The following VDAC3 variants were observed in gnomAD, a reference collection of about 807,000 sequenced individuals.
The protein encoded by VDAC3 is voltage dependent anion channel 3.
VDAC3 carries 7 observed loss-of-function variants against 33.9 expected under a neutral mutation model. The observed-to-expected ratio is 0.21, with a 90% CI of 0.12 to 0.39. The LOEUF (loss-of-function observed/expected upper bound fraction) is 0.39. VDAC3 is among the 10% of genes least tolerant of loss of function. The probability of loss-of-function intolerance (pLI) is 1.00; values close to 1 mark genes in which losing one functional copy is unlikely to be tolerated. For missense variants in VDAC3, 261 were observed against 334.5 expected, an observed-to-expected ratio of 0.78 and a Z score of 1.71; for synonymous variants, 100 against 122.4, an observed-to-expected ratio of 0.82 and a Z score of 1.21.
At chr8:42,400,226 T>C (rs1204258942) in intron 6 of VDAC3, among the ~76,000 whole-genome samples, 1 of 151,136 alleles carries the variant, frequency 6.6e-6, no homozygotes. Flanking sequence ...TAGTCCCAGC[T>C]ACTCAGGAGG....
chr8:42,396,759 A>G (rs377645412), intron 4 of VDAC3: 1 of 656,624 alleles, frequency 1.5e-6, no homozygotes, highest in Non-Finnish European at 2.7e-6. Flanking sequence ...ATAAATTTCA[A>G]TCATTGTTCC....
chr8:42,398,920 G>A, intron 5 of VDAC3, 56 bp downstream of exon 5: 2 of 1,585,874 alleles, frequency 1.3e-6, no homozygotes, highest in African/African-American at 2.7e-5. Flanking sequence ...TAGATTGAAT[G>A]ATGAACATAC....
At chr8:42,403,595 A>G in intron 8 of VDAC3, 134 bp downstream of exon 8, 2 of 1,029,564 alleles carry the variant, frequency 1.9e-6, no homozygotes, top group Non-Finnish European at 2.7e-6. Context: ...TGAAAGGAAT[A>G]TAATGTGGCC....
chr8:42,393,702 T>C (rs1380846201), intron 1 of VDAC3, 143 bp from the exon 2 acceptor site: 7 of 386,970 alleles, frequency 1.8e-5, no homozygotes, highest in African/African-American at 1.2e-4. Context: ...AGAGAAGATA[T>C]ATTCTAGATG....
At chr8:42,399,997 C>G (rs1324114278) in intron 6 of VDAC3, among the ~76,000 whole-genome samples, 1 of 152,132 alleles carries the variant, frequency 6.6e-6, no homozygotes, top group African/African-American at 2.4e-5. Context: ...ATAGATGAAT[C>G]TTAAGCAATT....
chr8:42,400,301 C>G (rs1162094118), intron 6 of VDAC3, among the ~76,000 whole-genome samples: 4 of 151,276 alleles, frequency 2.6e-5, no homozygotes, highest in African/African-American at 9.7e-5. Context: ...TGCACTCCAG[C>G]CTGGGCAACA....
intron 6 of VDAC3, 86 bp from the exon 7 acceptor site, chr8:42,401,702 A>G: frequency 8.4e-7 from 1 of 1,186,140 alleles, no homozygotes; most frequent in Non-Finnish European, 1.2e-6. Context: ...GAGATGAGAG[A>G]GAGGATCTTA....
chr8:42,393,664 A>G, intron 1 of VDAC3, 181 bp from the exon 2 acceptor site: 1 of 370,742 alleles, frequency 2.7e-6, no homozygotes, highest in Non-Finnish European at 4.8e-6. Flanking sequence ...TTAATGGGTA[A>G]AATTATAGCA....
intron 9 of VDAC3, 23 bp downstream of exon 9, chr8:42,404,947 G>A: frequency 6.2e-7 from 1 of 1,606,450 alleles, no homozygotes; most frequent in Non-Finnish European, 8.5e-7. Flanking sequence ...ATTAGTAACA[G>A]AGGGGTTGAG....
intron 8 of VDAC3, among the ~76,000 whole-genome samples, chr8:42,403,940 T>C (rs1298768650): frequency 6.6e-6 from 1 of 151,852 alleles, no homozygotes; most frequent in East Asian, 1.9e-4. Flanking sequence ...TAGTCCTAGC[T>C]CTTCCTGTAT....
Position 42,396,080 on chromosome 8 carries a change from A to C in VDAC3, c.117+947A>C, listed in dbSNP as rs530152453. The stretch of plus-strand genomic sequence containing the variant: ...AGACCATCCTGGCTAATATGGTGAA[A>C]CCCCGTCTCTACTAAAAATACAAAA... On this transcript the variant is annotated intron_variant, in intron 4 of 9. Transcript: ENST00000022615. Among the ~76,000 whole-genome samples the C allele has an allele frequency of 3.3e-5, 5 of 151,712 alleles. No individual in the cohort carries two copies. In the East Asian group the frequency reaches 9.7e-4, roughly 29 times the overall value.
At chr8:42,403,947 G>A (rs1395338170) in intron 8 of VDAC3, among the ~76,000 whole-genome samples, 1 of 151,020 alleles carries the variant, frequency 6.6e-6, no homozygotes, top group Non-Finnish European at 1.5e-5. Flanking sequence ...AGCTCTTCCT[G>A]TATATCTGTT....
At chr8:42,394,496 A>G (rs887810693) in intron 3 of VDAC3, among the ~76,000 whole-genome samples, 2 of 152,222 alleles carry the variant, frequency 1.3e-5, no homozygotes, top group Non-Finnish European at 2.9e-5. Context: ...AGATGCATAT[A>G]CATGTCCATA....
rs752587830 is a variant in VDAC3 at position 42,394,243 on chromosome 8, G to A, written c.32G>A (p.Gly11Glu). 17 of 1,613,678 alleles carry A rather than the reference G, an allele frequency of 1.1e-5. No individual in the cohort carries two copies. MCNTPTYCDLGKAAKDVFNKG... is the reference protein window; with the variant it reads MCNTPTYCDLEKAAKDVFNKG... ...AACACACCAACGTACTGTGACCTAG[G>A]AAAGGCTGCTAAGGATGTCTTCAAC... Residue 11 changes from glycine (G) to glutamate (E), a missense_variant, in exon 3 of 10, where the codon GGA becomes GAA. By Grantham distance (98) the Gly-to-Glu change is moderately conservative. Coordinates refer to ENST00000022615, the MANE Select transcript of VDAC3 (RefSeq NM_005662.7).
At chr8:42,403,224 T>A in intron 7 of VDAC3, 87 bp from the exon 8 acceptor site, 1 of 1,500,570 alleles carries the variant, frequency 6.7e-7, no homozygotes, top group Middle Eastern at 2.2e-4. Context: ...GGGATCCTTG[T>A]TTAGATAGTC....
chr8:42,404,472 C>G (rs1305700422), intron 8 of VDAC3, among the ~76,000 whole-genome samples: 1 of 152,054 alleles, frequency 6.6e-6, no homozygotes, highest in African/African-American at 2.4e-5. Context: ...GCCTGTAATC[C>G]CAGCACTTTG....
chr8:42,400,306 G>C (rs906050205), intron 6 of VDAC3, among the ~76,000 whole-genome samples: 5 of 150,340 alleles, frequency 3.3e-5, no homozygotes, highest in Non-Finnish European at 7.4e-5. Context: ...TCCAGCCTGG[G>C]CAACAGAGCG....
At chr8:42,403,004 A>G (rs972200738) in intron 7 of VDAC3, 2 of 273,542 alleles carry the variant, frequency 7.3e-6, no homozygotes, top group African/African-American at 4.5e-5. Context: ...AACTTCTCAG[A>G]GACCTATAGA....
Position 42,404,913 on chromosome 8 carries a change from C to G in VDAC3, c.749C>G (p.Thr250Ser). Reference protein sequence around the residue: ...ASLIGLGYTQTLRPGVKLTLS... With the variant: ...ASLIGLGYTQSLRPGVKLTLS... The stretch of plus-strand genomic sequence containing the variant: ...CTGATTGGACTGGGTTATACTCAGA[C>G]CCTTCGACCAGGTAAGTAAAGGAAT... Residue 250 changes from threonine (T) to serine (S), a missense_variant, in exon 9 of 10, where the codon ACC becomes AGC. Transcript: ENST00000022615. 6.2e-7 allele frequency: 1 copy of G among 1,613,512 alleles called. No homozygotes were observed. Among genetic ancestry groups the G allele is most frequent in the South Asian group, 1.1e-5 (1 of 91,014 alleles).
Sources: allele counts gnomAD v4.1 joint callset (sites outside exome capture counted in the v4.1 genomes callset), GRCh38; gene constraint gnomAD v4.1.1; transcripts MANE v1.5; gene names NCBI Gene and HGNC (gene_info 2026-07-23, HGNC 2026-07-21).